Variants in HDAC10 observed in about 807,000 individuals in gnomAD.
HDAC10 encodes histone deacetylase 10, also known as polyamine deacetylase HDAC10.
Under a neutral mutation model 82.3 loss-of-function variants are expected in HDAC10, and 90 were observed. The ratio of observed to expected loss-of-function variants is 1.09; its 90% confidence interval spans 0.92 to 1.30. The LOEUF is 1.30. Ranked by LOEUF, HDAC10 falls within the 50% of genes most tolerant of loss-of-function variation. The pLI is 0.00. For missense variants in HDAC10, 934 were observed against 876.3 expected, an observed-to-expected ratio of 1.07 and a Z score of -0.83; for synonymous variants, 456 against 391.7, an observed-to-expected ratio of 1.16 and a Z score of -1.94.
rs571752836 is a variant in HDAC10 at position 50,251,058 on chromosome 22, C to A, written c.-26G>T. 2.5e-6 allele frequency: 4 copies of A among 1,601,512 alleles called. No individual in the cohort carries two copies. In the East Asian group the frequency reaches 9.1e-5, roughly 36 times the overall value. ...GGCTGCGCCGTGGTCACCCTGGGTT[C>A]CCAAACGCCCTCGCTAGTGGTGCCT... On this transcript the variant is annotated 5_prime_UTR_variant, in exon 1 of 20. Coordinates refer to ENST00000216271, the MANE Select transcript of HDAC10 (RefSeq NM_032019.6).
At chr22:50,250,745 A>G in intron 2 of HDAC10, 26 bp downstream of exon 2, 2 of 1,546,932 alleles carry the variant, frequency 1.3e-6, no homozygotes, top group Non-Finnish European at 1.7e-6. Context: ...CCCGCCCCCC[A>G]TCGTGGGGCC....
At chr22:50,250,589 G>C in intron 2 of HDAC10, 66 bp from the exon 3 acceptor site, 1 of 1,398,762 alleles carries the variant, frequency 7.1e-7, no homozygotes, top group Non-Finnish European at 1.0e-6. Flanking sequence ...GGGAGGCGGG[G>C]ACCTGGGATT....
intron 3 of HDAC10, 93 bp downstream of exon 3, chr22:50,250,334 G>A (rs2065056686): frequency 2.3e-6 from 3 of 1,305,976 alleles, no homozygotes; most frequent in African/African-American, 1.4e-5. Flanking sequence ...TATGGACCAG[G>A]GGACACTGGC....
At position 50,250,449 on chromosome 22, in the gene HDAC10, AACTGTCCGG is replaced by A. The variant is rs758988118; in HGVS notation, c.260_268del (p.Ser87_Gln89del). 6.2e-7 allele frequency: 1 copy of A among 1,612,974 alleles called. No homozygotes were observed. Among genetic ancestry groups the A allele is most frequent in the Non-Finnish European group, 8.5e-7 (1 of 1,179,950 alleles). On this transcript the variant is annotated inframe_deletion, in exon 3 of 20. Coordinates refer to ENST00000216271, the MANE Select transcript of HDAC10 (RefSeq NM_032019.6). ...CACCGGGTGGAAGTAGATGGCGTCG[AACTGTCCGG>A]ACAGCGCCTGCAGCTCCTCCTTGCC... is the stretch of plus-strand genomic sequence containing the variant.
Position 50,250,851 on chromosome 22 carries a change from C to T in HDAC10, c.114G>A (p.Leu38=). Residue 38 remains leucine (L), a synonymous_variant, in exon 2 of 20, where the codon CTG becomes CTA. Transcript: ENST00000216271. ...ACCTCTGTTCCAGGCCGCGCTGCCG[C>T]AGGCGATCCAGGGCTGCGGTCAGGC... The part of the protein sequence containing the change: ...PERLTAALDR[L]RQRGLEQRCL... The T allele has an allele frequency of 6.2e-7, 1 of 1,602,176 alleles. No homozygotes were observed. Among genetic ancestry groups the T allele is most frequent in the South Asian group, 1.1e-5 (1 of 89,588 alleles).
In HDAC10 at chr22:50,249,891, C is replaced by T. The variant is rs1045919963; in HGVS notation, c.463G>A (p.Ala155Thr). 1 of 1,612,846 alleles carries T rather than the reference C, an allele frequency of 6.2e-7. No homozygotes were observed. The highest frequency in any genetic ancestry group is 1.7e-5 in the Admixed American group (1 of 60,006). Reference sequence around the variant, plus strand: ...AGCCCGTGTTTCTGCTTGGCATGTGCAGCTGCTATGGCCACGTTGTTGAAC... The same window carrying T: ...AGCCCGTGTTTCTGCTTGGCATGTGTAGCTGCTATGGCCACGTTGTTGAAC... ...CVFNNVAIAA[A>T]HAKQKHGLHR... The change falls in exon 5 of 20, where the codon GCA (alanine) becomes ACA (threonine). Residue 155 changes from alanine to threonine, a missense_variant. By Grantham distance (58) the Ala-to-Thr change is moderately conservative. Transcript: ENST00000216271. This position sits in a 1 kb window ranked among gnomAD's most constrained non-coding sequence, Gnocchi z 4.4.
At chr22:50,246,242 TGTA>T in intron 17 of HDAC10, 53 bp downstream of exon 17, 12 of 1,546,888 alleles carry the variant, frequency 7.8e-6, no homozygotes, top group Non-Finnish European at 1.1e-5. Context: ...AAACAGCAGC[TGTA>T]CACATCCATG....
In HDAC10 at chr22:50,249,756, G is replaced by C; in HGVS notation, c.495-53C>G. The C allele has an allele frequency of 6.2e-7, 1 of 1,609,124 alleles. No homozygotes were observed. The highest frequency in any genetic ancestry group is 8.5e-7 in the Non-Finnish European group (1 of 1,177,548). The stretch of plus-strand genomic sequence containing the variant: ...GGGGCAGGGCCTCCCACCTCCAGGA[G>C]CCCGGCCAGGGATGGGAAGGTGCTG... On this transcript the variant is annotated intron_variant, in intron 5 of 19. Coordinates refer to ENST00000216271, the MANE Select transcript of HDAC10 (RefSeq NM_032019.6). This position sits in a 1 kb window ranked among gnomAD's most constrained non-coding sequence, Gnocchi z 4.4.
chr22:50,250,949 C>T (rs1569137862), intron 1 of HDAC10, 25 bp downstream of exon 1: 1 of 1,611,032 alleles, frequency 6.2e-7, no homozygotes, highest in Non-Finnish European at 8.5e-7. Flanking sequence ...CTCCCCGCAC[C>T]CCACCTCGGC....
Position 50,246,882 on chromosome 22 carries a change from C to G in HDAC10, c.1507G>C (p.Ala503Pro), listed in dbSNP as rs545428966. The change falls in exon 15 of 20, where the codon GCC becomes CCC. Residue 503 changes from alanine (A) to proline (P), a missense_variant. Ala to Pro is a conservative substitution (Grantham distance 27). Transcript: ENST00000216271. Reference protein sequence around the residue: ...VAVRRGLSHGAQRLLCVALGQ... With the variant: ...VAVRRGLSHGPQRLLCVALGQ... ...TGGCCAAGTGAGGCTTACCTCTGGG[C>G]TCCGTGGGACAGGCCTCTCCGAACA... is the stretch of plus-strand genomic sequence containing the variant. 6.2e-7 allele frequency: 1 copy of G among 1,611,514 alleles called. No individual in the cohort carries two copies. Among genetic ancestry groups the G allele is most frequent in the East Asian group, 2.2e-5 (1 of 44,876 alleles).
At chr22:50,246,525 C>G (rs2064951530) in intron 16 of HDAC10, 149 bp from the exon 17 acceptor site, 3 of 1,030,232 alleles carry the variant, frequency 2.9e-6, no homozygotes, top group Non-Finnish European at 2.9e-6. Context: ...CTGGCATTGC[C>G]TCCAGCAGCC....
chr22:50,247,849 A>G (rs1299308567), intron 13 of HDAC10, 41 bp downstream of exon 13: 1 of 1,612,654 alleles, frequency 6.2e-7, no homozygotes, highest in Non-Finnish European at 8.5e-7. Context: ...GCACAGGTGT[A>G]GATGCGGCCC....
chr22:50,251,188 C>T lies in HDAC10; in HGVS notation c.-156G>A. The T allele has an allele frequency of 1.5e-6, 1 of 680,294 alleles. No individual in the cohort carries two copies. The highest frequency in any genetic ancestry group is 2.0e-5 in the South Asian group (1 of 50,596). 42.1% of individuals were successfully genotyped at this position (680,294 alleles called of 1,614,324 possible). ...CGGCCTGGGCGGGAGCGCACAGAACCTAGGCAGGCTCCGGGATCCCAGGCG... is the reference window on the plus strand; with the variant it reads ...CGGCCTGGGCGGGAGCGCACAGAACTTAGGCAGGCTCCGGGATCCCAGGCG... On this transcript the variant is annotated 5_prime_UTR_variant, in exon 1 of 20. Coordinates refer to ENST00000216271, the MANE Select transcript of HDAC10 (RefSeq NM_032019.6).
rs1222641453 is a variant in HDAC10 at position 50,250,113 on chromosome 22, C to T, written c.339G>A (p.Leu113=). The T allele has an allele frequency of 6.2e-7, 1 of 1,612,714 alleles. No homozygotes were observed. Among genetic ancestry groups the T allele is most frequent in the Admixed American group, 1.7e-5 (1 of 60,022 alleles). ...CAGCTCCAGTGAGCACAGCGTCCAC[C>T]AGCTGCAGTCCAGCCCCTGCGGCCA... is the stretch of plus-strand genomic sequence containing the variant. ...ARLAAGAGLQ[L]VDAVLTGAVQ... is the part of the protein sequence containing the mutation. The change falls in exon 4 of 20, where the codon CTG becomes CTA. Residue 113 remains leucine (L), a synonymous_variant. Transcript: ENST00000216271.
Position 50,249,082 on chromosome 22 carries a change from G to C in HDAC10, c.756+21C>G, listed in dbSNP as rs1158446580. ...TCCCCCTCCCACCCGGCTGCCCTGGGGGAGCCCTCCGTGCAGTCACCTCAA... is the reference window on the plus strand; with the variant it reads ...TCCCCCTCCCACCCGGCTGCCCTGGCGGAGCCCTCCGTGCAGTCACCTCAA... On this transcript the variant is annotated intron_variant, in intron 8 of 19. Transcript: ENST00000216271. The surrounding 1 kb of genome is among the most constrained non-coding windows in gnomAD (Gnocchi z 4.4). The C allele has an allele frequency of 1.3e-6, 2 of 1,581,896 alleles. No homozygotes were observed. The highest frequency in any genetic ancestry group is 2.7e-5 in the African/African-American group (2 of 74,258).
rs375383893 is a variant in HDAC10 at position 50,248,910 on chromosome 22, G to C, written c.757-20C>G. On this transcript the variant is annotated intron_variant, in intron 8 of 19. Coordinates refer to ENST00000216271, the MANE Select transcript of HDAC10 (RefSeq NM_032019.6). The surrounding 1 kb of genome is among the most constrained non-coding windows in gnomAD (Gnocchi z 5.4). ...GTCAAACTACAGGCCAGGCCGGAGT[G>C]GGGAGGGTCGACAGAGAGGGGCTGG... 3 of 1,607,294 alleles carry C rather than the reference G, an allele frequency of 1.9e-6. No homozygotes were observed. Among genetic ancestry groups the C allele is most frequent in the Non-Finnish European group, 2.5e-6 (3 of 1,177,458 alleles).
Position 50,250,481 on chromosome 22 carries a change from G to C in HDAC10, c.237C>G (p.Gly79=). ...CGGACAGCGCCTGCAGCTCCTCCTT[G>C]CCTAGGACCTGGGTCTCCCTGACCA... ...VSLVRETQVL[G]KEELQALSGQ... is the part of the protein sequence containing the mutation. The change falls in exon 3 of 20, where the codon GGC becomes GGG. Residue 79 remains glycine (G), a synonymous_variant. Transcript: ENST00000216271. 1 of 1,612,954 alleles carries C rather than the reference G, an allele frequency of 6.2e-7. No homozygotes were observed. Among genetic ancestry groups the C allele is most frequent in the East Asian group, 2.2e-5 (1 of 44,882 alleles).
In HDAC10 at chr22:50,245,773, G is replaced by T; in HGVS notation, c.1888C>A (p.Pro630Thr). ...ILARVLNGEA[P>T]PSLGPSSVAS... Reference sequence around the variant, plus strand: ...ACAGAGGAAGGGCCTAGGCTAGGAGGTGCCTCTCCATTCAGCACCCGGGCC... The same window carrying T: ...ACAGAGGAAGGGCCTAGGCTAGGAGTTGCCTCTCCATTCAGCACCCGGGCC... Residue 630 changes from proline to threonine, a missense_variant, in exon 19 of 20, where the codon CCT (proline) becomes ACT (threonine). Pro to Thr is a conservative substitution (Grantham distance 38). Coordinates refer to ENST00000216271, the MANE Select transcript of HDAC10 (RefSeq NM_032019.6). 1 of 1,605,500 alleles carries T rather than the reference G, an allele frequency of 6.2e-7. No individual in the cohort carries two copies. The highest frequency in any genetic ancestry group is 8.5e-7 in the Non-Finnish European group (1 of 1,176,472).
rs972615726 is a variant in HDAC10, at chr22:50,246,002, G to A, written c.1741C>T (p.Pro581Ser). 1.2e-6 allele frequency: 2 copies of A among 1,612,048 alleles called. No homozygotes were observed. Among genetic ancestry groups the A allele is most frequent in the Non-Finnish European group, 1.7e-6 (2 of 1,179,656 alleles). ...QPDLVLVALG[P>S]GHGLQGPHAA... ...TGGGGGCCCTGCAGGCCATGGCCAG[G>A]CCCCAGCGCCACCAGCACCAGGTCA... is the stretch of plus-strand genomic sequence containing the variant. The change falls in exon 18 of 20, where the codon CCT becomes TCT. Residue 581 changes from proline to serine, a missense_variant. Coordinates refer to ENST00000216271, the MANE Select transcript of HDAC10 (RefSeq NM_032019.6).
Sources: gnomAD v4.1 joint callset for allele counts on GRCh38, gnomAD v4.1.1 for gene constraint, Gnocchi (gnomAD v3.1) non-coding constraint, MANE v1.5 for transcripts, NCBI Gene and HGNC (gene_info 2026-07-23, HGNC 2026-07-21) for gene names.